The following MROH7 variants were observed in gnomAD, a reference collection of about 807,000 sequenced individuals.
MROH7 encodes the protein maestro heat-like repeat-containing protein family member 7.
MROH7 carries 113 observed loss-of-function variants against 129.2 expected under a neutral mutation model. That is an observed-to-expected ratio of 0.87 (90% CI 0.75 to 1.02). The LOEUF is 1.02. MROH7 is among the 50% of genes least tolerant of loss of function. MROH7 has a pLI of 0.00. For missense variants in MROH7, 1,601 were observed against 1,671.3 expected (o/e 0.96, Z 0.73); for synonymous variants, 655 against 667.9 (o/e 0.98, Z 0.30).
At chr1:54,663,002 A>T (rs1289108417) in intron 3 of MROH7, among the ~76,000 whole-genome samples, 1 of 152,128 alleles carries the variant, frequency 6.6e-6, no homozygotes, top group African/African-American at 2.4e-5. Flanking sequence ...TTCTCATTGC[A>T]TCCTGTCTGG....
Position 54,658,160 on chromosome 1 carries a change from C to A in MROH7, c.1231+4003C>A, listed in dbSNP as rs537181990. Among the ~76,000 whole-genome samples the A allele has an allele frequency of 6.7e-4, 102 of 152,306 alleles. 1 individual carries two copies. Among genetic ancestry groups the A allele is most frequent in the Admixed American group, 1.8e-3 (27 of 15,298 alleles). ...TACTGTTTCTATGATTTTCACTACT[C>A]TAGGTACCTCATATAACGACTTCAT... On this transcript the variant is annotated intron_variant, in intron 3 of 23. Coordinates refer to ENST00000421030, the MANE Select transcript of MROH7 (RefSeq NM_001039464.4).
Position 54,653,905 on chromosome 1 carries a change from A to C in MROH7, c.979A>C (p.Met327Leu), listed in dbSNP as rs761666523. The stretch of plus-strand genomic sequence containing the variant: ...CTCCACCATCTCTCCACCCTCATGC[A>C]TGACTCTAATCCTGGGTTCCAATGA... The part of the protein sequence containing the change: ...PNSTISPPSC[M>L]TLILGSNETL... Residue 327 changes from methionine (M) to leucine (L), a missense_variant, in exon 3 of 24, where the codon ATG (methionine) becomes CTG (leucine). Transcript: ENST00000421030. 3.1e-6 allele frequency: 5 copies of C among 1,613,990 alleles called. 1 individual carries two copies. The South Asian group carries it at 5.5e-5, about 18-fold the overall frequency.
intron 1 of MROH7, among the ~76,000 whole-genome samples, chr1:54,649,239 A>G (rs1056680320): frequency 1.3e-5 from 2 of 152,164 alleles, no homozygotes; most frequent in East Asian, 1.9e-4. Context: ...AGAAGGGAGG[A>G]TGGCAATTGG....
At chr1:54,656,712 C>T (rs1339341267) in intron 3 of MROH7, among the ~76,000 whole-genome samples, 1 of 151,854 alleles carries the variant, frequency 6.6e-6, no homozygotes, top group East Asian at 1.9e-4. Context: ...ATCCCAGCTA[C>T]TTAGGAGGCT....
At chr1:54,690,803 A>G (rs1260767346) in intron 15 of MROH7, among the ~76,000 whole-genome samples, 1 of 152,172 alleles carries the variant, frequency 6.6e-6, no homozygotes, top group Non-Finnish European at 1.5e-5. Flanking sequence ...GACTGGGAGG[A>G]CTGGCCAAGC....
At chr1:54,673,975 G>A in intron 9 of MROH7, 41 bp from the exon 10 acceptor site, 2 of 1,607,210 alleles carry the variant, frequency 1.2e-6, no homozygotes, top group Non-Finnish European at 1.7e-6. Flanking sequence ...TAGCATTATT[G>A]AACCTATAAC....
chr1:54,653,015 G>A lies in MROH7; in HGVS notation c.89G>A (p.Gly30Glu). 6.2e-7 allele frequency: 1 copy of A among 1,614,096 alleles called. No individual in the cohort carries two copies. Among genetic ancestry groups the A allele is most frequent in the Non-Finnish European group, 8.5e-7 (1 of 1,180,012 alleles). Residue 30 changes from glycine (G) to glutamate (E), a missense_variant, in exon 3 of 24, where the codon GGG becomes GAG. Physicochemically the swap from Gly to Glu is moderately conservative, Grantham distance 98. Transcript: ENST00000421030. ...CCCTCCTGTGGGGCCCCGGGATTAGGGTCTGGTACCATCCCTCAGCCCCAC... is the reference window on the plus strand; with the variant it reads ...CCCTCCTGTGGGGCCCCGGGATTAGAGTCTGGTACCATCCCTCAGCCCCAC... ...SPPSCGAPGL[G>E]SGTIPQPHPD... is the part of the protein sequence containing the mutation.
chr1:54,685,648 A>G (rs970745325), intron 14 of MROH7, among the ~76,000 whole-genome samples: 1 of 152,186 alleles, frequency 6.6e-6, no homozygotes, highest in Non-Finnish European at 1.5e-5. Flanking sequence ...CCAGGTCACC[A>G]GCCCTTGGGG....
chr1:54,695,823 A>G, intron 17 of MROH7: 1 of 371,440 alleles, frequency 2.7e-6, no homozygotes, highest in South Asian at 2.1e-5. Context: ...GAGGACACAG[A>G]GGACACCCCA....
intron 4 of MROH7, among the ~76,000 whole-genome samples, chr1:54,666,829 G>A (rs1034869953): frequency 2.0e-5 from 3 of 152,144 alleles, no homozygotes; most frequent in Non-Finnish European, 4.4e-5. Context: ...TCTTGTGAAA[G>A]GGTCTGTTCA....
chr1:54,654,339 G>T (rs749838998), intron 3 of MROH7, among the ~76,000 whole-genome samples, 182 bp downstream of exon 3: 1 of 152,224 alleles, frequency 6.6e-6, no homozygotes, highest in East Asian at 1.9e-4. Flanking sequence ...CCTGGGACAA[G>T]CTAATTAATC....
rs746004881 is a variant in MROH7, at chr1:54,653,602, T to C, written c.676T>C (p.Ser226Pro). 6.2e-7 allele frequency: 1 copy of C among 1,614,050 alleles called. No homozygotes were observed. The highest frequency in any genetic ancestry group is 2.2e-5 in the East Asian group (1 of 44,872). The change falls in exon 3 of 24, where the codon TCC becomes CCC. Residue 226 changes from serine to proline, a missense_variant. Ser to Pro is a moderately conservative substitution (Grantham distance 74). Coordinates refer to ENST00000421030, the MANE Select transcript of MROH7 (RefSeq NM_001039464.4). ...PLLNMGSRNT[S>P]KLNLNVAPDS... is the part of the protein sequence containing the mutation. ...GCTCAACATGGGCTCAAGAAACACC[T>C]CCAAGCTGAACCTGAATGTAGCTCC...
chr1:54,675,878 C>T (rs1403966644), intron 10 of MROH7, among the ~76,000 whole-genome samples: 3 of 151,748 alleles, frequency 2.0e-5, no homozygotes, highest in African/African-American at 4.8e-5. Context: ...TCAAGTGATC[C>T]GCTCGCCTTG....
intron 4 of MROH7, among the ~76,000 whole-genome samples, chr1:54,666,169 TTC>T (rs1197470015): frequency 6.6e-6 from 1 of 152,168 alleles, no homozygotes; most frequent in Admixed American, 6.5e-5. Context: ...AAAAGAAGAC[TTC>T]TTATTGATGT....
Position 54,678,768 on chromosome 1 carries a change from A to G in MROH7, c.1963A>G (p.Lys655Glu). The G allele has an allele frequency of 6.2e-7, 1 of 1,613,992 alleles. No homozygotes were observed. Among genetic ancestry groups the G allele is most frequent in the South Asian group, 1.1e-5 (1 of 91,074 alleles). Residue 655 changes from lysine to glutamate, a missense_variant, in exon 11 of 24, where the codon AAA becomes GAA. Coordinates refer to ENST00000421030, the MANE Select transcript of MROH7 (RefSeq NM_001039464.4). Reference protein sequence around the residue: ...KRARDKEETNKKELYESNKHF... With the variant: ...KRARDKEETNEKELYESNKHF... Reference sequence around the variant, plus strand: ...AGCCAGAGATAAGGAAGAGACCAACAAAAAGGAGCTATATGAGAGCAACAA... The same window carrying G: ...AGCCAGAGATAAGGAAGAGACCAACGAAAAGGAGCTATATGAGAGCAACAA...
At chr1:54,678,604 C>G in intron 10 of MROH7, 138 bp from the exon 11 acceptor site, 2 of 621,222 alleles carry the variant, frequency 3.2e-6, no homozygotes, top group Non-Finnish European at 5.7e-6. Flanking sequence ...TGCTTCTTGA[C>G]TTGGGGGCTG....
At position 54,690,480 on chromosome 1, in the gene MROH7, G is replaced by A. The variant is rs1040048859; in HGVS notation, c.2712-1944G>A. 4.8e-5 allele frequency among the ~76,000 whole-genome samples: 7 copies of A among 145,264 alleles called. No individual in the cohort carries two copies. The East Asian group carries it at 1.0e-3, about 21-fold the overall frequency. On this transcript the variant is annotated intron_variant, in intron 15 of 23. Transcript: ENST00000421030. Reference sequence around the variant, plus strand: ...TTTTTTTTTTAGACGGAGTCTCACTGTCGCCCAGGCTAGAGTGCAGTGGCG... The same window carrying A: ...TTTTTTTTTTAGACGGAGTCTCACTATCGCCCAGGCTAGAGTGCAGTGGCG...
chr1:54,697,962 G>A (rs774855908), intron 17 of MROH7: 23 of 389,434 alleles, frequency 5.9e-5, no homozygotes, highest in African/African-American at 1.0e-4. Flanking sequence ...CAGCCCTTCC[G>A]CCCTGCAGCA....
At position 54,670,874 on chromosome 1, in the gene MROH7, T is replaced by G; in HGVS notation, c.1544T>G (p.Leu515Arg). 6.2e-7 allele frequency: 1 copy of G among 1,613,204 alleles called. No individual in the cohort carries two copies. Among genetic ancestry groups the G allele is most frequent in the South Asian group, 1.1e-5 (1 of 90,728 alleles). Residue 515 changes from leucine (L) to arginine (R), a missense_variant, in exon 7 of 24, where the codon CTG becomes CGG. Transcript: ENST00000421030. ...VNVCVHSVFS[L>R]PSVQAMQEKD... is the part of the protein sequence containing the mutation. ...GTGTGTGTGCACAGCGTGTTCTCCC[T>G]GCCCTCCGTGCAGGCGATGCAGGAG...
Sources: gnomAD v4.1 joint callset for allele counts (sites outside exome capture counted in the v4.1 genomes callset) on GRCh38, gnomAD v4.1.1 for gene constraint, MANE v1.5 for transcripts, NCBI Gene and HGNC (gene_info 2026-07-23, HGNC 2026-07-21) for gene names.